EHMT1: variants seen among roughly 807,000 people sequenced by gnomAD.
The protein encoded by EHMT1 is histone-lysine N-methyltransferase EHMT1.
A neutral mutation model predicts 147.2 loss-of-function variants in EHMT1; 15 were observed. The ratio of observed to expected loss-of-function variants is 0.10; its 90% CI spans 0.07 to 0.16. The LOEUF (loss-of-function observed/expected upper bound fraction) is 0.16, where lower values mean the gene tolerates loss of function less well. EHMT1 is among the 10% of genes least tolerant of loss of function. The probability of loss-of-function intolerance (pLI) is 1.00; values close to 1 mark genes in which losing one functional copy is unlikely to be tolerated. For missense variants in EHMT1, 1,587 were observed against 1,772.4 expected (o/e 0.90, Z 1.88); for synonymous variants, 795 against 709.6 (o/e 1.12, Z -1.91).
At chr9:137,834,670 G>A (rs1436552592) in intron 26 of EHMT1, 103 bp from the exon 27 acceptor site, 9 of 1,598,718 alleles carry the variant, frequency 5.6e-6, no homozygotes, top group Non-Finnish European at 7.7e-6. Flanking sequence ...GATGCGGCAC[G>A]GCAGATCGGG....
At chr9:137,620,413 T>C (rs1444394817) in intron 1 of EHMT1, among the ~76,000 whole-genome samples, 1 of 152,078 alleles carries the variant, frequency 6.6e-6, no homozygotes, top group Non-Finnish European at 1.5e-5. Flanking sequence ...TTTAAATTAT[T>C]ATTTATTATT....
At chr9:137,752,592 G>A (rs539526279) in intron 7 of EHMT1, among the ~76,000 whole-genome samples, 184 bp downstream of exon 7, 2 of 152,212 alleles carry the variant, frequency 1.3e-5, no homozygotes, top group African/African-American at 2.4e-5. Context: ...GAAAGACACC[G>A]TGCAGAGTTG....
At chr9:137,810,290 T>TGGACCGTGGGTGATGGGTCCG (rs1588841106) in intron 18 of EHMT1, among the ~76,000 whole-genome samples, 1 of 152,220 alleles carries the variant, frequency 6.6e-6, no homozygotes, top group African/African-American at 2.4e-5. Flanking sequence ...CCGCCCTGCG[T>TGGACCGTGGGTGATGGGTCCG]GAAAGGCGCT....
intron 25 of EHMT1, among the ~76,000 whole-genome samples, chr9:137,822,824 T>C (rs1271364709): frequency 2.9e-4 from 43 of 146,250 alleles, no homozygotes; most frequent in Admixed American, 2.7e-3. Context: ...ACTTGGGAGG[T>C]GGAGGTTGCA....
chr9:137,715,875 C>G (rs540902771), intron 2 of EHMT1: 63 of 976,050 alleles, frequency 6.5e-5, no homozygotes, highest in Non-Finnish European at 7.2e-5. Flanking sequence ...AGTGATTCCC[C>G]AAACTTAACC....
At chr9:137,765,031 G>T (rs897104856) in intron 10 of EHMT1, among the ~76,000 whole-genome samples, 3 of 152,240 alleles carry the variant, frequency 2.0e-5, no homozygotes, top group Non-Finnish European at 2.9e-5. Context: ...AGGTTCGTGC[G>T]CTGGGAGCGG....
chr9:137,698,992 C>G (rs796245658), intron 1 of EHMT1, among the ~76,000 whole-genome samples: 31 of 151,168 alleles, frequency 2.1e-4, no homozygotes, highest in African/African-American at 7.5e-4. Context: ...AGGCCACGCA[C>G]TGGGAACCTC....
In EHMT1 at chr9:137,782,490, G is replaced by T. The variant is rs1167744084; in HGVS notation, c.2382+93G>T. ...ATACCACGTTCGCGGTTCTTCCAGT[G>T]TAAGAGTTCCGTAGTGCTGTGAATC... is the stretch of plus-strand genomic sequence containing the variant. On this transcript the variant is annotated intron_variant, in intron 15 of 26. Coordinates refer to ENST00000460843, the MANE Select transcript of EHMT1 (RefSeq NM_024757.5). This position sits in a 1 kb window ranked among gnomAD's most constrained non-coding sequence, Gnocchi z 5.7. 5 of 1,232,270 alleles carry T rather than the reference G, an allele frequency of 4.1e-6. No homozygotes were observed. The highest frequency in any genetic ancestry group is 5.7e-6 in the Non-Finnish European group (5 of 874,052). 76.3% of individuals were successfully genotyped at this position (1,232,270 alleles called of 1,614,324 possible).
intron 4 of EHMT1, 140 bp from the exon 5 acceptor site, chr9:137,743,231 G>A (rs573523279): frequency 1.6e-4 from 159 of 976,174 alleles, no homozygotes; most frequent in Non-Finnish European, 2.2e-4. Flanking sequence ...GATGACCTGC[G>A]GGCAGTGGGC....
intron 18 of EHMT1, among the ~76,000 whole-genome samples, chr9:137,809,875 C>A (rs112354232): frequency 0.084 from 11,209 of 133,558 alleles, 1,832 homozygotes; most frequent in African/African-American, 0.37. Context: ...TGTGGACCGT[C>A]GGTGATGGGT....
intron 3 of EHMT1, among the ~76,000 whole-genome samples, chr9:137,724,315 G>A (rs1946378844): frequency 6.6e-6 from 1 of 152,122 alleles, no homozygotes; most frequent in Non-Finnish European, 1.5e-5. Flanking sequence ...CAGCGAAGGG[G>A]CCTCCCGCCC....
At chr9:137,830,625 G>T (rs1414451254) in intron 25 of EHMT1, among the ~76,000 whole-genome samples, 1 of 150,692 alleles carries the variant, frequency 6.6e-6, no homozygotes, top group East Asian at 1.9e-4. Flanking sequence ...GATGGCATCT[G>T]CGCTTCTTTG....
intron 1 of EHMT1, among the ~76,000 whole-genome samples, chr9:137,669,160 T>G (rs1241167566): frequency 6.6e-6 from 1 of 152,140 alleles, no homozygotes; most frequent in African/African-American, 2.4e-5. Context: ...GTGCTGAGAT[T>G]ACAGGCGTGA....
intron 4 of EHMT1, among the ~76,000 whole-genome samples, chr9:137,738,342 C>G (rs751788963): frequency 1.3e-5 from 2 of 152,118 alleles, no homozygotes; most frequent in African/African-American, 2.4e-5. Flanking sequence ...AAATGCAAAT[C>G]AAAACCACAG....
chr9:137,813,679 T>C lies in EHMT1; in HGVS notation c.3180+149T>C. On this transcript the variant is annotated intron_variant, in intron 21 of 26. Coordinates refer to ENST00000460843, the MANE Select transcript of EHMT1 (RefSeq NM_024757.5). The surrounding 1 kb of genome is among the most constrained non-coding windows in gnomAD (Gnocchi z 4.9). The stretch of plus-strand genomic sequence containing the variant: ...AGACCTCATTCTCTTTGTAGTTGCC[T>C]CCCGTGAAAGAGCTGGAAGGCAGAT... The C allele has an allele frequency of 8.4e-7, 1 of 1,186,428 alleles. No homozygotes were observed. Among genetic ancestry groups the C allele is most frequent in the South Asian group, 1.3e-5 (1 of 75,970 alleles). 73.5% of individuals were successfully genotyped at this position (1,186,428 alleles called of 1,614,324 possible). A position where few individuals can be genotyped will look rare whatever the true frequency, so the allele number is the denominator to read the frequency against.
At chr9:137,629,683 G>C (rs1358886416) in intron 1 of EHMT1, among the ~76,000 whole-genome samples, 1 of 151,968 alleles carries the variant, frequency 6.6e-6, no homozygotes, top group Non-Finnish European at 1.5e-5. Flanking sequence ...ATGAGCCATC[G>C]CACCTGGTCC....
At chr9:137,815,000 G>A (rs988677820) in intron 22 of EHMT1, among the ~76,000 whole-genome samples, 10 of 152,114 alleles carry the variant, frequency 6.6e-5, no homozygotes, top group African/African-American at 2.4e-4. Context: ...AGGAGGAGAC[G>A]GGAGTGGGGA....
rs1013377004 is a variant in EHMT1, at chr9:137,642,206, A to G, written c.21+23157A>G. ...TGGGACAGGTAATGCGTTTCATCTA[A>G]TGTAATTACTGAAAGGTAGGGTTTA... is the stretch of plus-strand genomic sequence containing the variant. On this transcript the variant is annotated intron_variant, in intron 1 of 26. Coordinates refer to ENST00000460843, the MANE Select transcript of EHMT1 (RefSeq NM_024757.5). Among the ~76,000 whole-genome samples, 7 of 152,236 alleles carry G rather than the reference A, an allele frequency of 4.6e-5. No individual in the cohort carries two copies. The Middle Eastern group carries it at 0.01, about 222-fold the overall frequency.
intron 3 of EHMT1, among the ~76,000 whole-genome samples, chr9:137,721,761 G>C (rs1056238955): frequency 3.9e-5 from 6 of 152,050 alleles, no homozygotes. Flanking sequence ...GCATTGTTTT[G>C]TTAGCTTTGA....
Sources: gnomAD v4.1 joint callset for allele counts (sites outside exome capture counted in the v4.1 genomes callset) on GRCh38, gnomAD v4.1.1 for gene constraint, Gnocchi (gnomAD v3.1) non-coding constraint, MANE v1.5 for transcripts, NCBI Gene and HGNC (gene_info 2026-07-23, HGNC 2026-07-21) for gene names.